The following CADM2 variants were observed in gnomAD, a reference collection of about 807,000 sequenced individuals.
The protein encoded by CADM2 is cell adhesion molecule 2.
In CADM2, 12 loss-of-function variants were observed where a neutral mutation model predicts 49.8. That is an observed-to-expected ratio of 0.24 (90% CI 0.15 to 0.39). The LOEUF is 0.39. CADM2 is among the 10% of genes least tolerant of loss of function. The probability of loss-of-function intolerance (pLI) is 1.00; values close to 1 mark genes in which losing one functional copy is unlikely to be tolerated. For missense variants in CADM2, 378 were observed against 492.3 expected, an observed-to-expected ratio of 0.77 and a Z score of 2.20; for synonymous variants, 214 against 175.4, an observed-to-expected ratio of 1.22 and a Z score of -1.74.
intron 1 of CADM2, among the ~76,000 whole-genome samples, chr3:85,407,930 T>C (rs1446717582): frequency 1.3e-5 from 2 of 149,026 alleles, no homozygotes. Context: ...GATTGCTTGA[T>C]TGTGCTTGAG....
At chr3:85,154,377 G>A (rs968038523) in intron 1 of CADM2, among the ~76,000 whole-genome samples, 3 of 152,032 alleles carry the variant, frequency 2.0e-5, no homozygotes, top group Non-Finnish European at 4.4e-5. Context: ...AGCGAGAAGG[G>A]AAGTTTAAAG....
chr3:84,963,155 G>A (rs867086829), intron 1 of CADM2, among the ~76,000 whole-genome samples: 9 of 152,198 alleles, frequency 5.9e-5, no homozygotes, highest in African/African-American at 2.2e-4. Flanking sequence ...TTCATTTGGT[G>A]TTCAGTTACA....
At chr3:85,092,446 T>C (rs2037632999) in intron 1 of CADM2, among the ~76,000 whole-genome samples, 1 of 152,102 alleles carries the variant, frequency 6.6e-6, no homozygotes, top group Non-Finnish European at 1.5e-5. Flanking sequence ...TAGAGAAAGA[T>C]ATATATATAT....
At position 85,689,681 on chromosome 3, in the gene CADM2, T is replaced by C. The variant is rs2066324654; in HGVS notation, c.62-36841T>C. Among the ~76,000 whole-genome samples the C allele has an allele frequency of 2.0e-5, 3 of 152,142 alleles. No individual in the cohort carries two copies. The South Asian group carries it at 6.2e-4, about 32-fold the overall frequency. On this transcript the variant is annotated intron_variant, in intron 1 of 9. Transcript: ENST00000383699. ...CATGTTCAGAGCTGTTCTTTAGGAA[T>C]TTCTAAGGTGTGGGGTATAGAGTTG...
chr3:85,152,276 G>A (rs2039946347), intron 1 of CADM2, among the ~76,000 whole-genome samples: 1 of 152,116 alleles, frequency 6.6e-6, no homozygotes, highest in African/African-American at 2.4e-5. Flanking sequence ...ACATTTGACT[G>A]TTGACTGTGC....
At chr3:85,266,995 T>C (rs1047740568) in intron 1 of CADM2, among the ~76,000 whole-genome samples, 1 of 151,870 alleles carries the variant, frequency 6.6e-6, no homozygotes, top group Non-Finnish European at 1.5e-5. Context: ...GGGGATTTAA[T>C]ATTATAACCT....
At chr3:85,966,072 C>A (rs956411931) in intron 8 of CADM2, among the ~76,000 whole-genome samples, 9 of 151,710 alleles carry the variant, frequency 5.9e-5, no homozygotes, top group African/African-American at 2.2e-4. Context: ...AAATTAATAA[C>A]CACTGCTCAA....
chr3:85,696,718 T>TA (rs2066568944), intron 1 of CADM2, among the ~76,000 whole-genome samples: 1 of 151,996 alleles, frequency 6.6e-6, no homozygotes, highest in Non-Finnish European at 1.5e-5. Context: ...AATGTATTCT[T>TA]AGAGTTGTCT....
At chr3:86,042,575 A>G (rs972572740) in intron 8 of CADM2, among the ~76,000 whole-genome samples, 2 of 152,170 alleles carry the variant, frequency 1.3e-5, no homozygotes, top group African/African-American at 4.8e-5. Context: ...TCTGAAATTC[A>G]GGCAATAATT....
chr3:85,191,547 T>C (rs1290290314), intron 1 of CADM2, among the ~76,000 whole-genome samples: 1 of 152,134 alleles, frequency 6.6e-6, no homozygotes, highest in Non-Finnish European at 1.5e-5. Flanking sequence ...GTTGGGATTG[T>C]GAACCTGTCA....
At chr3:85,200,554 A>G (rs889717330) in intron 1 of CADM2, among the ~76,000 whole-genome samples, 1 of 152,114 alleles carries the variant, frequency 6.6e-6, no homozygotes, top group Non-Finnish European at 1.5e-5. Flanking sequence ...CAATTAGGAA[A>G]AAATGAGATA....
intron 1 of CADM2, among the ~76,000 whole-genome samples, chr3:85,313,228 C>T (rs1027871732): frequency 1.1e-4 from 17 of 152,240 alleles, no homozygotes; most frequent in Admixed American, 2.0e-4. Flanking sequence ...AGAGAGTGAA[C>T]GCAATGGTTA....
At chr3:85,662,816 T>G (rs2065450702) in intron 1 of CADM2, among the ~76,000 whole-genome samples, 1 of 152,090 alleles carries the variant, frequency 6.6e-6, no homozygotes, top group African/African-American at 2.4e-5. Flanking sequence ...TGTGATTGTT[T>G]TATTACTTGT....
At chr3:85,286,869 C>A (rs976682790) in intron 1 of CADM2, among the ~76,000 whole-genome samples, 1 of 151,952 alleles carries the variant, frequency 6.6e-6, no homozygotes, top group Non-Finnish European at 1.5e-5. Flanking sequence ...AGAGCAAATA[C>A]AAGTTTTCTG....
chr3:85,834,599 C>T (rs921207282), intron 3 of CADM2, among the ~76,000 whole-genome samples: 6 of 151,320 alleles, frequency 4.0e-5, no homozygotes, highest in Non-Finnish European at 8.9e-5. Context: ...ACTTGTTAGT[C>T]CCATAATTTA....
At chr3:85,291,103 G>A (rs1055339153) in intron 1 of CADM2, among the ~76,000 whole-genome samples, 7 of 152,140 alleles carry the variant, frequency 4.6e-5, no homozygotes, top group African/African-American at 1.7e-4. Context: ...AGGAGCTGAT[G>A]GAGCTGAAAA....
intron 8 of CADM2, among the ~76,000 whole-genome samples, chr3:86,047,983 A>T (rs1559824048): frequency 6.6e-6 from 1 of 152,190 alleles, no homozygotes; most frequent in Non-Finnish European, 1.5e-5. Flanking sequence ...TTGAATGTTT[A>T]CATTCTAACT....
At chr3:85,959,150 A>ATCTCTCTCTCTCTC (rs71128104) in intron 7 of CADM2, among the ~76,000 whole-genome samples, 50 of 145,418 alleles carry the variant, frequency 3.4e-4, no homozygotes, top group African/African-American at 1.1e-3. Flanking sequence ...TTATCTATCT[A>ATCTCTCTCTCTCTC]TCTCTCTCTC....
intron 1 of CADM2, among the ~76,000 whole-genome samples, chr3:85,543,421 T>TGTGTGTGGGGGTGTGTGTGTGTGTGTGG (rs1491106808): frequency 2.4e-5 from 1 of 41,852 alleles, no homozygotes; most frequent in African/African-American, 1.6e-4. Flanking sequence ...GCCAAGCTAA[T>TGTGTGTGGGGGTGTGTGTGTGTGTGTGG]GTGTGTGTGT....
Sources: gnomAD v4.1 joint callset for allele counts (sites outside exome capture counted in the v4.1 genomes callset) on GRCh38, gnomAD v4.1.1 for gene constraint, MANE v1.5 for transcripts, NCBI Gene and HGNC (gene_info 2026-07-23, HGNC 2026-07-21) for gene names.